DGKD: variants seen among roughly 807,000 people sequenced by gnomAD.
DGKD encodes diacylglycerol kinase delta.
A neutral mutation model predicts 154.4 loss-of-function variants in DGKD; 68 were observed. That is an observed-to-expected ratio of 0.44 (90% CI 0.36 to 0.54). The LOEUF (loss-of-function observed/expected upper bound fraction) is 0.54, where lower values mean the gene tolerates loss of function less well. Ranked by LOEUF, DGKD falls within the 20% of genes least tolerant of loss-of-function variation. DGKD has a pLI of 0.00. For missense variants in DGKD, 1,343 were observed against 1,593.6 expected (o/e 0.84, Z 2.68); for synonymous variants, 693 against 638.0 (o/e 1.09, Z -1.30).
rs148359050 is a variant in DGKD, at chr2:233,417,114, C to T, written c.349-17266C>T. On this transcript the variant is annotated intron_variant, in intron 3 of 29. Coordinates refer to ENST00000264057, the MANE Select transcript of DGKD (RefSeq NM_152879.3). ...GTTGTGCGATCACAGCTCATTGCAA[C>T]CTCTGCCTCCTGGGTTCAACTGATT... 9.1e-3 allele frequency among the ~76,000 whole-genome samples: 1,388 copies of T among 152,294 alleles called. 13 individuals are homozygous for T. Among genetic ancestry groups the T allele is most frequent in the Admixed American group, 0.014 (217 of 15,302 alleles).
At chr2:233,437,585 G>A in intron 8 of DGKD, 106 bp downstream of exon 8, 2 of 1,113,036 alleles carry the variant, frequency 1.8e-6, no homozygotes, top group Non-Finnish European at 2.7e-6. Flanking sequence ...TGAGATGTCA[G>A]CAAGAGGTCA....
intron 1 of DGKD, among the ~76,000 whole-genome samples, chr2:233,386,475 T>C (rs1559490149): frequency 6.6e-6 from 1 of 150,982 alleles, no homozygotes; most frequent in Non-Finnish European, 1.5e-5. Context: ...TCTGTCTGCC[T>C]TGGATCACCC....
At chr2:233,446,078 T>G (rs1251565734) in intron 11 of DGKD, among the ~76,000 whole-genome samples, 2 of 152,350 alleles carry the variant, frequency 1.3e-5, no homozygotes, top group East Asian at 3.9e-4. Flanking sequence ...CTAATACCCA[T>G]CGGAAGAATG....
intron 3 of DGKD, among the ~76,000 whole-genome samples, chr2:233,398,298 C>T (rs193228971): frequency 1.3e-3 from 197 of 151,830 alleles, no homozygotes; most frequent in African/African-American, 4.4e-3. Context: ...GCCGCCACCA[C>T]GCCCGACTAA....
chr2:233,469,162 G>A (rs1279305858), intron 29 of DGKD, among the ~76,000 whole-genome samples: 1 of 152,268 alleles, frequency 6.6e-6, no homozygotes, highest in African/African-American at 2.4e-5. Flanking sequence ...CTTGCTGATG[G>A]TAGTGACTAG....
chr2:233,372,611 AT>A (rs958754719), intron 1 of DGKD, among the ~76,000 whole-genome samples: 49 of 149,572 alleles, frequency 3.3e-4, no homozygotes, highest in African/African-American at 9.1e-4. Flanking sequence ...TTTAATTTTT[AT>A]TTTTTTTCTT....
At chr2:233,379,301 A>G (rs566327555) in intron 1 of DGKD, among the ~76,000 whole-genome samples, 1 of 152,178 alleles carries the variant, frequency 6.6e-6, no homozygotes, top group South Asian at 2.1e-4. Flanking sequence ...GAGGATTTCC[A>G]GGCGGAGGAA....
At chr2:233,380,282 C>A (rs1182670073) in intron 1 of DGKD, among the ~76,000 whole-genome samples, 7 of 152,002 alleles carry the variant, frequency 4.6e-5, no homozygotes, top group Admixed American at 2.0e-4. Context: ...GAGGCCTGGC[C>A]CCTGGGGACG....
intron 1 of DGKD, among the ~76,000 whole-genome samples, chr2:233,360,405 G>T (rs898483350): frequency 6.6e-6 from 1 of 151,966 alleles, no homozygotes; most frequent in Non-Finnish European, 1.5e-5. Context: ...TGCATTCCAT[G>T]ATGCCTGGCT....
chr2:233,373,006 G>A (rs996849091), intron 1 of DGKD, among the ~76,000 whole-genome samples: 8 of 152,216 alleles, frequency 5.3e-5, no homozygotes, highest in African/African-American at 1.9e-4. Flanking sequence ...ATGACTCAGT[G>A]AGTTAATGAT....
At chr2:233,366,264 G>GGACC in intron 1 of DGKD, among the ~76,000 whole-genome samples, 1 of 152,224 alleles carries the variant, frequency 6.6e-6, no homozygotes, top group African/African-American at 2.4e-5. Flanking sequence ...TGGTTGAAAA[G>GGACC]ATGGCTCTAG....
At chr2:233,413,250 A>G (rs951841783) in intron 3 of DGKD, among the ~76,000 whole-genome samples, 2 of 152,096 alleles carry the variant, frequency 1.3e-5, no homozygotes, top group Admixed American at 6.5e-5. Flanking sequence ...ATACATATAT[A>G]TGTAGTGAGT....
At position 233,360,881 on chromosome 2, in the gene DGKD, G is replaced by A. The variant is rs1466071801; in HGVS notation, c.156+6207G>A. ...GAATGCCTGGGGCCACCAGAAGCTG[G>A]AAGAGATAACAGATGGAATCTCCCC... is the stretch of plus-strand genomic sequence containing the variant. On this transcript the variant is annotated intron_variant, in intron 1 of 29. Transcript: ENST00000264057. 3.3e-5 allele frequency among the ~76,000 whole-genome samples: 5 copies of A among 152,170 alleles called. No homozygotes were observed. In the East Asian group the frequency reaches 9.6e-4, roughly 29 times the overall value.
In DGKD at chr2:233,458,160, C is replaced by T. The variant is rs1021243616; in HGVS notation, c.2581-124C>T. On this transcript the variant is annotated intron_variant, in intron 21 of 29. Coordinates refer to ENST00000264057, the MANE Select transcript of DGKD (RefSeq NM_152879.3). The surrounding 1 kb of genome is among the most constrained non-coding windows in gnomAD (Gnocchi z 6.6). Reference sequence around the variant, plus strand: ...TGCAACATGAAGCCCGTCAGGAGTGCAGTTACCTGGTAACTTCTCGCCAGC... The same window carrying T: ...TGCAACATGAAGCCCGTCAGGAGTGTAGTTACCTGGTAACTTCTCGCCAGC... 2 of 586,654 alleles carry T rather than the reference C, an allele frequency of 3.4e-6. No individual in the cohort carries two copies. Among genetic ancestry groups the T allele is most frequent in the Non-Finnish European group, 6.2e-6 (2 of 320,944 alleles). 36.3% of individuals were successfully genotyped at this position (586,654 alleles called of 1,614,324 possible). A position where few individuals can be genotyped will look rare whatever the true frequency, so the allele number is the denominator to read the frequency against.
intron 1 of DGKD, among the ~76,000 whole-genome samples, chr2:233,366,594 T>C (rs1336539394): frequency 2.6e-5 from 4 of 152,198 alleles, no homozygotes; most frequent in Non-Finnish European, 5.9e-5. Context: ...TACCCCAGTT[T>C]TGCCAATGAA....
At chr2:233,360,243 T>G (rs1701717409) in intron 1 of DGKD, among the ~76,000 whole-genome samples, 1 of 152,102 alleles carries the variant, frequency 6.6e-6, no homozygotes, top group African/African-American at 2.4e-5. Flanking sequence ...AATAAGATAT[T>G]AGTTAAATAT....
chr2:233,463,390 AC>A (rs2063718633), intron 26 of DGKD, among the ~76,000 whole-genome samples: 1 of 142,340 alleles, frequency 7.0e-6, no homozygotes, highest in Non-Finnish European at 1.5e-5. Flanking sequence ...TCCTCACTCC[AC>A]ACATCTCCTC....
chr2:233,358,773 A>G (rs909409451), intron 1 of DGKD, among the ~76,000 whole-genome samples: 23 of 152,308 alleles, frequency 1.5e-4, no homozygotes, highest in African/African-American at 4.8e-4. Context: ...CTACAGGCAC[A>G]CTGTATTTTA....
chr2:233,420,219 T>C (rs2062070144), intron 3 of DGKD, among the ~76,000 whole-genome samples: 1 of 152,216 alleles, frequency 6.6e-6, no homozygotes, highest in Non-Finnish European at 1.5e-5. Context: ...CAGCAGAGTC[T>C]GGCTACTGGC....
Sources: allele counts gnomAD v4.1 joint callset (sites outside exome capture counted in the v4.1 genomes callset), GRCh38; gene constraint gnomAD v4.1.1; non-coding constraint Gnocchi (gnomAD v3.1); transcripts MANE v1.5; gene names NCBI Gene and HGNC (gene_info 2026-07-23, HGNC 2026-07-21).